The following CELSR1 variants were observed in gnomAD, a reference collection of about 807,000 sequenced individuals.
CELSR1 encodes the protein cadherin EGF LAG seven-pass G-type receptor 1, also known as adhesion G protein-coupled receptor C1.
A neutral mutation model predicts 249.1 loss-of-function variants in CELSR1; 110 were observed. The observed-to-expected ratio is 0.44, with a 90% confidence interval of 0.38 to 0.52. The LOEUF is 0.52. CELSR1 is among the 20% of genes least tolerant of loss of function. The pLI is 0.00. For synonymous variants in CELSR1, 2,113 were observed against 1,900.0 expected (o/e 1.11, Z -2.92); for missense variants, 4,109 against 4,296.4 (o/e 0.96, Z 1.22).
rs576183328 is a variant in CELSR1 at position 46,381,293 on chromosome 22, A to G, written c.7089-338T>C. ...TCAGTGTCCAGCAAAAGACACCAAA[A>G]TAATGGCAGCTCATGGGGATGAATC... On this transcript the variant is annotated intron_variant, in intron 21 of 34. Coordinates refer to ENST00000674500, the MANE Select transcript of CELSR1 (RefSeq NM_001378328.1). The surrounding 1 kb of genome is among the most constrained non-coding windows in gnomAD (Gnocchi z 6.0). 1.4e-3 allele frequency among the ~76,000 whole-genome samples: 215 copies of G among 152,342 alleles called. No individual in the cohort carries two copies. Among genetic ancestry groups the G allele is most frequent in the Middle Eastern group, 3.4e-3 (1 of 294 alleles).
At position 46,363,972 on chromosome 22, in the gene CELSR1, G is replaced by C; in HGVS notation, c.9035+24C>G. The C allele has an allele frequency of 6.4e-7, 1 of 1,565,052 alleles. No individual in the cohort carries two copies. Among genetic ancestry groups the C allele is most frequent in the Non-Finnish European group, 8.6e-7 (1 of 1,156,800 alleles). ...GACAAGGGGGAAGTGGGTGATCCCC[G>C]CCCTGGAGGCCCAGGCTACTCACTC... On this transcript the variant is annotated intron_variant, in intron 34 of 34. Transcript: ENST00000674500. This position sits in a 1 kb window ranked among gnomAD's most constrained non-coding sequence, Gnocchi z 4.3.
chr22:46,474,806 T>TTTTTTTTTTTC (rs2080191559), intron 1 of CELSR1, among the ~76,000 whole-genome samples: 1 of 148,406 alleles, frequency 6.7e-6, no homozygotes. Flanking sequence ...TTTTTTTTTT[T>TTTTTTTTTTTC]GAGACGGAGT....
Position 46,433,690 on chromosome 22 carries a change from T to C in CELSR1, c.4523-209A>G, listed in dbSNP as rs1416836644. ...AGTAATTCTTGTTCCTCTTTTCTGGTTTTGTTTGTTTTGAGATGGAGTCTT... is the reference window on the plus strand; with the variant it reads ...AGTAATTCTTGTTCCTCTTTTCTGGCTTTGTTTGTTTTGAGATGGAGTCTT... On this transcript the variant is annotated intron_variant, in intron 4 of 34. Coordinates refer to ENST00000674500, the MANE Select transcript of CELSR1 (RefSeq NM_001378328.1). The surrounding 1 kb of genome is among the most constrained non-coding windows in gnomAD (Gnocchi z 5.7). 6.6e-6 allele frequency among the ~76,000 whole-genome samples: 1 copy of C among 152,070 alleles called. No homozygotes were observed. The highest frequency in any genetic ancestry group is 2.4e-5 in the African/African-American group (1 of 41,412).
intron 1 of CELSR1, among the ~76,000 whole-genome samples, chr22:46,494,311 C>A (rs1259588781): frequency 9.2e-5 from 14 of 152,136 alleles, no homozygotes; most frequent in Admixed American, 9.2e-4. Flanking sequence ...CTATTCTCAG[C>A]CAATTTTATT....
chr22:46,399,987 G>A lies in CELSR1; in HGVS notation c.5227-85C>T, dbSNP rs2079194252. 1.4e-6 allele frequency: 2 copies of A among 1,381,478 alleles called. No homozygotes were observed. The highest frequency in any genetic ancestry group is 2.0e-5 in the Admixed American group (1 of 48,880). The allele number at this position is 1,381,478 out of a possible 1,614,324, so 85.6% of individuals were successfully genotyped here. A position where few individuals can be genotyped will look rare whatever the true frequency, so the allele number is the denominator to read the frequency against. On this transcript the variant is annotated intron_variant, in intron 9 of 34. Coordinates refer to ENST00000674500, the MANE Select transcript of CELSR1 (RefSeq NM_001378328.1). This position sits in a 1 kb window ranked among gnomAD's most constrained non-coding sequence, Gnocchi z 5.0. The stretch of plus-strand genomic sequence containing the variant: ...TTGCAGTCACTTAAACAAGGAAGCT[G>A]TGAAAGGAGACTGATTATGTGGCAC...
rs1301131616 is a variant in CELSR1, at chr22:46,535,250, C to T, written c.1921G>A (p.Val641Met). The change falls in exon 1 of 35, where the codon GTG (valine) becomes ATG (methionine). Residue 641 changes from valine to methionine, a missense_variant. Coordinates refer to ENST00000674500, the MANE Select transcript of CELSR1 (RefSeq NM_001378328.1). ...TCCTCGCGGTCCAGCTCGGCACACA[C>T]TGTGATCCAACCGGAGCTGTTGTGG... Reference protein sequence around the residue: ...QIHNSSGWITVCAELDREEVE... With the variant: ...QIHNSSGWITMCAELDREEVE... 5.0e-6 allele frequency: 8 copies of T among 1,610,006 alleles called. No individual in the cohort carries two copies. Among genetic ancestry groups the T allele is most frequent in the Non-Finnish European group, 6.8e-6 (8 of 1,179,988 alleles).
chr22:46,414,956 C>T (rs996534734), intron 5 of CELSR1, among the ~76,000 whole-genome samples: 4 of 152,142 alleles, frequency 2.6e-5, no homozygotes, highest in African/African-American at 4.8e-5. Context: ...AGGCACGAAG[C>T]GCTGACACAC....
chr22:46,411,268 T>G lies in CELSR1; in HGVS notation c.4769+334A>C, dbSNP rs2079331242. ...CAGCTGGCTGACACAGTGCTTCACT[T>G]AACAGAGTCCTGGAGTCCCAGGTAC... On this transcript the variant is annotated intron_variant, in intron 6 of 34. Transcript: ENST00000674500. This position sits in a 1 kb window ranked among gnomAD's most constrained non-coding sequence, Gnocchi z 4.2. 6.6e-6 allele frequency among the ~76,000 whole-genome samples: 1 copy of G among 152,030 alleles called. No homozygotes were observed. The highest frequency in any genetic ancestry group is 1.5e-5 in the Non-Finnish European group (1 of 68,022).
intron 31 of CELSR1, 63 bp from the exon 32 acceptor site, chr22:46,365,443 C>A: frequency 1.9e-6 from 3 of 1,589,158 alleles, no homozygotes; most frequent in South Asian, 1.1e-5. Context: ...CCACCGAGGG[C>A]CAAGCAGAGC....
chr22:46,482,585 T>A (rs2080276792), intron 1 of CELSR1, among the ~76,000 whole-genome samples: 1 of 151,970 alleles, frequency 6.6e-6, no homozygotes, highest in Non-Finnish European at 1.5e-5. Context: ...TGGGATTGCA[T>A]ATGCCTGTAA....
chr22:46,499,599 G>T (rs908742378), intron 1 of CELSR1, among the ~76,000 whole-genome samples: 1 of 152,188 alleles, frequency 6.6e-6, no homozygotes, highest in African/African-American at 2.4e-5. Flanking sequence ...GATATGCAAA[G>T]ACTTGTCCCA....
rs1223112735 is a variant in CELSR1, at chr22:46,537,401, A to G, written c.-231T>C. 6.8e-6 allele frequency among the ~76,000 whole-genome samples: 1 copy of G among 147,494 alleles called. No individual in the cohort carries two copies. The highest frequency in any genetic ancestry group is 2.0e-4 in the East Asian group (1 of 4,966). On this transcript the variant is annotated 5_prime_UTR_variant, in exon 1 of 35. Transcript: ENST00000674500. The surrounding 1 kb of genome is among the most constrained non-coding windows in gnomAD (Gnocchi z 5.8). ...GCGAAAGTTTGCGAAGTTGGTTTCA[A>G]GATGGCTCCTCCGCGCGTCCCGGGA... is the stretch of plus-strand genomic sequence containing the variant.
chr22:46,486,042 A>G (rs2076322673), intron 1 of CELSR1, among the ~76,000 whole-genome samples: 1 of 143,936 alleles, frequency 6.9e-6, no homozygotes, highest in African/African-American at 2.7e-5. Context: ...GGTTCACGCC[A>G]TTCTCCTGCC....
At chr22:46,420,319 C>G (rs1160647077) in intron 5 of CELSR1, among the ~76,000 whole-genome samples, 1 of 151,970 alleles carries the variant, frequency 6.6e-6, no homozygotes, top group Non-Finnish European at 1.5e-5. Flanking sequence ...CTCACGTATG[C>G]ACTCACCCAC....
rs1252322971 is a variant in CELSR1, at chr22:46,412,480, C to T, written c.4612-721G>A. Among the ~76,000 whole-genome samples, 4 of 152,180 alleles carry T rather than the reference C, an allele frequency of 2.6e-5. No homozygotes were observed. Among genetic ancestry groups the T allele is most frequent in the East Asian group, 1.9e-4 (1 of 5,184 alleles). On this transcript the variant is annotated intron_variant, in intron 5 of 34. Transcript: ENST00000674500. The surrounding 1 kb of genome is among the most constrained non-coding windows in gnomAD (Gnocchi z 4.5). The stretch of plus-strand genomic sequence containing the variant: ...AGGAGGCCACTGCCCGGCCTGCAGA[C>T]GGCCCCACATCTCCCCTCTAAGGCG...
intron 2 of CELSR1, 28 bp from the exon 3 acceptor site, chr22:46,439,439 A>G: frequency 6.3e-7 from 1 of 1,582,524 alleles, no homozygotes; most frequent in Non-Finnish European, 8.6e-7. Context: ...GATGCCAGAG[A>G]GGAGGTTACC....
At chr22:46,491,740 T>C (rs1271480619) in intron 1 of CELSR1, among the ~76,000 whole-genome samples, 1 of 151,120 alleles carries the variant, frequency 6.6e-6, no homozygotes, top group East Asian at 2.0e-4. Context: ...ATTCAAGCAA[T>C]TCTCCTGCCT....
In CELSR1 at chr22:46,464,391, C is replaced by A; in HGVS notation, c.3545-46G>T. 6.3e-7 allele frequency: 1 copy of A among 1,575,946 alleles called. No individual in the cohort carries two copies. Among genetic ancestry groups the A allele is most frequent in the South Asian group, 1.2e-5 (1 of 84,650 alleles). On this transcript the variant is annotated intron_variant, in intron 1 of 34. Transcript: ENST00000674500. This position sits in a 1 kb window ranked among gnomAD's most constrained non-coding sequence, Gnocchi z 8.5. Reference sequence around the variant, plus strand: ...AGGGTCATTCAGATGCTGCGGGAGTCACAGGTCCTATAGGCCCCATCCCAG... The same window carrying A: ...AGGGTCATTCAGATGCTGCGGGAGTAACAGGTCCTATAGGCCCCATCCCAG...
chr22:46,398,412 T>C lies in CELSR1; in HGVS notation c.5526+112A>G, dbSNP rs1157574003. 4.4e-6 allele frequency: 3 copies of C among 681,538 alleles called. No individual in the cohort carries two copies. The highest frequency in any genetic ancestry group is 7.4e-6 in the Non-Finnish European group (3 of 406,846). 42.2% of individuals were successfully genotyped at this position (681,538 alleles called of 1,614,324 possible). A position where few individuals can be genotyped will look rare whatever the true frequency, so the allele number is the denominator to read the frequency against. On this transcript the variant is annotated intron_variant, in intron 11 of 34. Coordinates refer to ENST00000674500, the MANE Select transcript of CELSR1 (RefSeq NM_001378328.1). This position sits in a 1 kb window ranked among gnomAD's most constrained non-coding sequence, Gnocchi z 7.2. ...GTGGGGATGCCTGTCAGACAAATTCTTCACTCGTTGAAAGCTAACAGGTTG... is the reference window on the plus strand; with the variant it reads ...GTGGGGATGCCTGTCAGACAAATTCCTCACTCGTTGAAAGCTAACAGGTTG...
Sources: allele counts gnomAD v4.1 joint callset (sites outside exome capture counted in the v4.1 genomes callset), GRCh38; gene constraint gnomAD v4.1.1; non-coding constraint Gnocchi (gnomAD v3.1); transcripts MANE v1.5; gene names NCBI Gene and HGNC (gene_info 2026-07-23, HGNC 2026-07-21).